The following PTPRT variants were observed in gnomAD, a reference collection of about 807,000 sequenced individuals.
PTPRT encodes protein tyrosine phosphatase receptor type T.
In PTPRT, 56 loss-of-function variants were observed where a neutral mutation model predicts 176.8. That is an observed-to-expected ratio of 0.32 (90% confidence interval 0.26 to 0.40). The LOEUF (loss-of-function observed/expected upper bound fraction) is 0.40, where lower values mean the gene tolerates loss of function less well. Ranked by LOEUF, PTPRT falls within the 10% of genes least tolerant of loss-of-function variation. The pLI is 1.00. For synonymous variants in PTPRT, 783 were observed against 739.0 expected, an observed-to-expected ratio of 1.06 and a Z score of -0.96; for missense variants, 1,540 against 1,908.2, an observed-to-expected ratio of 0.81 and a Z score of 3.60.
intron 9 of PTPRT, among the ~76,000 whole-genome samples, chr20:42,413,140 C>A (rs917533276): frequency 4.6e-5 from 7 of 152,172 alleles, no homozygotes; most frequent in Admixed American, 4.6e-4. Context: ...TTTTGCCCAA[C>A]CCTACCACCA....
chr20:42,681,636 A>G (rs2075605614), intron 6 of PTPRT, among the ~76,000 whole-genome samples: 1 of 152,156 alleles, frequency 6.6e-6, no homozygotes, highest in Non-Finnish European at 1.5e-5. Flanking sequence ...CTGGTCACAC[A>G]CTGTCCTAGG....
At chr20:43,060,736 T>A (rs1156944949) in intron 1 of PTPRT, among the ~76,000 whole-genome samples, 1 of 152,180 alleles carries the variant, frequency 6.6e-6, no homozygotes, top group Non-Finnish European at 1.5e-5. Context: ...GAGCTCTTCA[T>A]CCAGAAGCTC....
downstream of PTPRT, among the ~76,000 whole-genome samples, chr20:42,070,730 A>G (rs142624637): frequency 6.6e-6 from 1 of 152,332 alleles, no homozygotes; most frequent in African/African-American, 2.4e-5. Flanking sequence ...AAATGTTAAC[A>G]GGTACCTTTG....
At chr20:42,725,185 G>A (rs992575175) in intron 6 of PTPRT, among the ~76,000 whole-genome samples, 7 of 151,762 alleles carry the variant, frequency 4.6e-5, no homozygotes, top group South Asian at 2.1e-4. Flanking sequence ...ACACCACCAC[G>A]CCCGGCTAAT....
chr20:42,967,648 C>T (rs539729980), intron 1 of PTPRT, among the ~76,000 whole-genome samples: 5 of 152,272 alleles, frequency 3.3e-5, no homozygotes, highest in Admixed American at 1.3e-4. Flanking sequence ...TACAGCCCTA[C>T]GAACCGAAAA....
intron 1 of PTPRT, among the ~76,000 whole-genome samples, chr20:42,906,332 G>A (rs551044105): frequency 4.6e-5 from 7 of 152,308 alleles, no homozygotes; most frequent in African/African-American, 1.2e-4. Context: ...GAGCACAGCC[G>A]CTGAGTGGCC....
At chr20:43,029,405 G>A (rs1003678116) in intron 1 of PTPRT, among the ~76,000 whole-genome samples, 1 of 152,218 alleles carries the variant, frequency 6.6e-6, no homozygotes, top group Non-Finnish European at 1.5e-5. Context: ...TTCGGCAGCA[G>A]AGAATATGGC....
chr20:42,797,654 A>G (rs1012544282), intron 2 of PTPRT, among the ~76,000 whole-genome samples: 1 of 152,130 alleles, frequency 6.6e-6, no homozygotes, highest in East Asian at 1.9e-4. Context: ...TCATGGCAAG[A>G]GAATTAAGGT....
chr20:42,571,065 C>T (rs547078501), intron 7 of PTPRT, among the ~76,000 whole-genome samples: 3 of 152,252 alleles, frequency 2.0e-5, no homozygotes, highest in East Asian at 3.9e-4. Flanking sequence ...CATGTGCTGC[C>T]ATTAAAATGC....
Position 42,316,853 on chromosome 20 carries a change from C to T in PTPRT, c.1866-857G>A, listed in dbSNP as rs149306811. 2.1e-3 allele frequency among the ~76,000 whole-genome samples: 326 copies of T among 152,336 alleles called. 5 individuals are homozygous for T. The South Asian group carries it at 0.038, about 18-fold the overall frequency. On this transcript the variant is annotated intron_variant, in intron 11 of 30. Coordinates refer to ENST00000373187, the MANE Select transcript of PTPRT (RefSeq NM_007050.6). ...CTTTCACTTCCTCTATGAAGCCTGT[C>T]CAGATATGTCCAGTCTGGATGAATT...
chr20:42,693,036 T>A (rs2075816302), intron 6 of PTPRT, among the ~76,000 whole-genome samples: 1 of 152,208 alleles, frequency 6.6e-6, no homozygotes, highest in Non-Finnish European at 1.5e-5. Flanking sequence ...TAACGCACTT[T>A]ATGTCCTTTA....
chr20:42,237,992 T>G (rs972235209), intron 14 of PTPRT, among the ~76,000 whole-genome samples: 1 of 152,186 alleles, frequency 6.6e-6, no homozygotes, highest in Non-Finnish European at 1.5e-5. Context: ...AGCCCCAAAT[T>G]TTCCCATCTC....
intron 1 of PTPRT, among the ~76,000 whole-genome samples, chr20:43,131,352 T>A (rs1318307962): frequency 1.3e-5 from 2 of 152,228 alleles, no homozygotes; most frequent in Non-Finnish European, 2.9e-5. Context: ...TGCTGGGTAA[T>A]TCCAGGGCAG....
intron 17 of PTPRT, among the ~76,000 whole-genome samples, chr20:42,146,744 A>G (rs1988886479): frequency 6.6e-6 from 1 of 152,240 alleles, no homozygotes; most frequent in Non-Finnish European, 1.5e-5. Context: ...GGACCCAGTG[A>G]TTCCTCTTGC....
intron 1 of PTPRT, among the ~76,000 whole-genome samples, chr20:42,928,551 G>A (rs1291113650): frequency 1.3e-5 from 2 of 152,142 alleles, no homozygotes; most frequent in Non-Finnish European, 2.9e-5. Flanking sequence ...AGAATATCAG[G>A]GGCCATGGGG....
intron 9 of PTPRT, among the ~76,000 whole-genome samples, chr20:42,359,839 CCG>C (rs1221838237): frequency 5.9e-5 from 9 of 152,332 alleles, no homozygotes; most frequent in South Asian, 2.1e-4. Flanking sequence ...GGACCCATGC[CCG>C]TGGTTCCTGG....
intron 13 of PTPRT, 119 bp from the exon 14 acceptor site, chr20:42,248,941 T>G: frequency 8.3e-7 from 1 of 1,205,986 alleles, no homozygotes; most frequent in Non-Finnish European, 1.2e-6. Context: ...GGCACTGTGC[T>G]AAGGGCATCA....
intron 1 of PTPRT, among the ~76,000 whole-genome samples, chr20:42,935,572 C>T (rs947460308): frequency 6.6e-5 from 10 of 152,178 alleles, no homozygotes; most frequent in African/African-American, 2.4e-4. Flanking sequence ...CACAGAAAGG[C>T]TTCAGAAAAT....
chr20:42,447,168 A>C (rs2070748409), intron 9 of PTPRT, among the ~76,000 whole-genome samples: 1 of 151,980 alleles, frequency 6.6e-6, no homozygotes, highest in African/African-American at 2.4e-5. Flanking sequence ...CTCCCTATAC[A>C]TGCATGTTTC....
Sources: allele counts gnomAD v4.1 joint callset (sites outside exome capture counted in the v4.1 genomes callset), GRCh38; gene constraint gnomAD v4.1.1; transcripts MANE v1.5; gene names NCBI Gene and HGNC (gene_info 2026-07-23, HGNC 2026-07-21).